The following MRTFA variants were observed in gnomAD, a reference collection of about 807,000 sequenced individuals.
MRTFA encodes the protein myocardin-related transcription factor A.
In MRTFA, 20 loss-of-function variants were observed where a neutral mutation model predicts 83.5. The ratio of observed to expected loss-of-function variants is 0.24; its 90% CI spans 0.17 to 0.35. The LOEUF is 0.35. Among genes scored for constraint, MRTFA ranks in the 10% least tolerant of loss-of-function variants. MRTFA has a pLI of 1.00. For synonymous variants in MRTFA, 659 were observed against 541.2 expected (o/e 1.22, Z -3.02); for missense variants, 1,200 against 1,224.7 (o/e 0.98, Z 0.30).
intron 1 of MRTFA, among the ~76,000 whole-genome samples, chr22:40,619,385 C>T (rs928548011): frequency 6.6e-5 from 10 of 152,042 alleles, no homozygotes; most frequent in African/African-American, 1.9e-4. Flanking sequence ...ATGAGGAACA[C>T]GTTATTGGAA....
chr22:40,453,028 G>T (rs1364077942), intron 4 of MRTFA, among the ~76,000 whole-genome samples: 1 of 152,152 alleles, frequency 6.6e-6, no homozygotes, highest in Non-Finnish European at 1.5e-5. Context: ...AACAGCAGAA[G>T]CGAGACAAGG....
chr22:40,429,846 CCTT>C lies in MRTFA; in HGVS notation c.440-82_440-80del. The stretch of plus-strand genomic sequence containing the variant: ...GCCCCGGGAACTCCAGAGCAGCTCT[CCTT>C]CCTCCTGGGCAAGAGGAGTGACTGT... On this transcript the variant is annotated intron_variant, in intron 6 of 14. Transcript: ENST00000355630. 3 of 1,432,398 alleles carry C rather than the reference CCTT, an allele frequency of 2.1e-6. No individual in the cohort carries two copies. The South Asian group carries it at 4.0e-5, about 19-fold the overall frequency. The allele number at this position is 1,432,398 out of a possible 1,614,324, so 88.7% of individuals were successfully genotyped here. A position where few individuals can be genotyped will look rare whatever the true frequency, so the allele number is the denominator to read the frequency against.
At position 40,594,518 on chromosome 22, in the gene MRTFA, G is replaced by T. The variant is rs539745422; in HGVS notation, c.-22+156C>A. Among the ~76,000 whole-genome samples the T allele has an allele frequency of 2.6e-5, 4 of 152,058 alleles. No individual in the cohort carries two copies. The East Asian group carries it at 7.7e-4, about 29-fold the overall frequency. On this transcript the variant is annotated intron_variant, in intron 2 of 14. Transcript: ENST00000355630. ...TGTAGTCCACAACATTAAACCACAG[G>T]ACAGACCATCAGGAGGCACGATGAG...
intron 3 of MRTFA, among the ~76,000 whole-genome samples, chr22:40,528,275 G>T (rs1485221167): frequency 1.3e-5 from 2 of 152,168 alleles, no homozygotes; most frequent in Non-Finnish European, 2.9e-5. Context: ...ACAGAATCCT[G>T]CAATGGAAAA....
intron 3 of MRTFA, among the ~76,000 whole-genome samples, chr22:40,506,879 T>G (rs2054589061): frequency 6.6e-6 from 1 of 152,160 alleles, no homozygotes; most frequent in Non-Finnish European, 1.5e-5. Flanking sequence ...ACACAAAAAG[T>G]GCTCTATAAA....
At chr22:40,515,841 A>T (rs1337016145) in intron 3 of MRTFA, among the ~76,000 whole-genome samples, 1 of 152,222 alleles carries the variant, frequency 6.6e-6, no homozygotes, top group Non-Finnish European at 1.5e-5. Flanking sequence ...ATCCCTGTGC[A>T]GATGGCGACC....
intron 3 of MRTFA, among the ~76,000 whole-genome samples, chr22:40,482,602 G>T (rs137860858): frequency 6.6e-6 from 1 of 152,070 alleles, no homozygotes; most frequent in Non-Finnish European, 1.5e-5. Flanking sequence ...TTTTAGGTAG[G>T]GCCATCTGAA....
At chr22:40,441,617 C>A (rs953534080) in intron 4 of MRTFA, among the ~76,000 whole-genome samples, 5 of 151,926 alleles carry the variant, frequency 3.3e-5, no homozygotes, top group Admixed American at 6.6e-5. Context: ...AAACCACCCC[C>A]CACTACTAAA....
chr22:40,603,446 T>G (rs887521970), intron 1 of MRTFA, among the ~76,000 whole-genome samples: 1 of 152,214 alleles, frequency 6.6e-6, no homozygotes, highest in East Asian at 1.9e-4. Flanking sequence ...GAAACATACT[T>G]AACTACCATA....
At chr22:40,553,409 T>C (rs2055472969) in intron 2 of MRTFA, among the ~76,000 whole-genome samples, 1 of 152,140 alleles carries the variant, frequency 6.6e-6, no homozygotes, top group African/African-American at 2.4e-5. Context: ...GCCTTCCTGC[T>C]CTGTGCAGCC....
intron 9 of MRTFA, among the ~76,000 whole-genome samples, 194 bp downstream of exon 9, chr22:40,423,342 C>A (rs552703771): frequency 6.6e-6 from 1 of 152,096 alleles, no homozygotes; most frequent in Non-Finnish European, 1.5e-5. Flanking sequence ...CCCATAGCCA[C>A]GAATAATTGG....
intron 2 of MRTFA, among the ~76,000 whole-genome samples, chr22:40,576,867 G>A (rs1244670390): frequency 6.6e-6 from 1 of 152,162 alleles, no homozygotes; most frequent in African/African-American, 2.4e-5. Context: ...GATGGCCTGA[G>A]CCCAGGACTT....
intron 1 of MRTFA, among the ~76,000 whole-genome samples, chr22:40,613,703 A>AT (rs1556025713): frequency 6.6e-6 from 1 of 151,712 alleles, no homozygotes; most frequent in Non-Finnish European, 1.5e-5. Context: ...AAAAAAAAAA[A>AT]TTTTTCCAGC....
chr22:40,419,894 AG>A (rs2052791054), intron 11 of MRTFA, among the ~76,000 whole-genome samples: 1 of 152,190 alleles, frequency 6.6e-6, no homozygotes, highest in African/African-American at 2.4e-5. Context: ...CCCTGATCAC[AG>A]GCCGCTCTCT....
At chr22:40,463,587 T>G (rs1295613636) in intron 3 of MRTFA, among the ~76,000 whole-genome samples, 1 of 152,066 alleles carries the variant, frequency 6.6e-6, no homozygotes, top group Non-Finnish European at 1.5e-5. Flanking sequence ...CTCCTAAAAC[T>G]TTTTTAAAAA....
rs187319520 is a variant in MRTFA, at chr22:40,439,497, T to C, written c.308-3943A>G. Among the ~76,000 whole-genome samples the C allele has an allele frequency of 4.8e-3, 550 of 113,410 alleles. 6 individuals carry two copies. The highest frequency in any genetic ancestry group is 0.018 in the African/African-American group (528 of 28,842). The allele number at this position is 113,410 out of a possible 152,430, so 74.4% of individuals were successfully genotyped here. A position where few individuals can be genotyped will look rare whatever the true frequency, so the allele number is the denominator to read the frequency against. On this transcript the variant is annotated intron_variant, in intron 4 of 14. Coordinates refer to ENST00000355630, the MANE Select transcript of MRTFA (RefSeq NM_020831.6). Reference sequence around the variant, plus strand: ...TCCAACCTGGGTGACAGAGCAAGACTCTGTCTCAAAAAAAAAAAAAAAAAA... The same window carrying C: ...TCCAACCTGGGTGACAGAGCAAGACCCTGTCTCAAAAAAAAAAAAAAAAAA...
intron 3 of MRTFA, among the ~76,000 whole-genome samples, chr22:40,464,511 A>AAAAAAAAAGAAAG (rs2053780935): frequency 6.6e-6 from 1 of 151,540 alleles, no homozygotes; most frequent in Non-Finnish European, 1.5e-5. Flanking sequence ...CCCGTCTAAA[A>AAAAAAAAAGAAAG]AAAAAAAAGA....
intron 4 of MRTFA, among the ~76,000 whole-genome samples, chr22:40,462,167 G>A (rs904810707): frequency 1.3e-5 from 2 of 152,134 alleles, no homozygotes; most frequent in African/African-American, 4.8e-5. Context: ...TTACTTGATA[G>A]TACTTACCAG....
intron 4 of MRTFA, among the ~76,000 whole-genome samples, chr22:40,445,706 G>A (rs965309064): frequency 6.6e-6 from 1 of 152,026 alleles, no homozygotes; most frequent in Non-Finnish European, 1.5e-5. Flanking sequence ...CCACCACCAT[G>A]CCCGGCTAAT....
Sources: gnomAD v4.1 joint callset for allele counts (sites outside exome capture counted in the v4.1 genomes callset) on GRCh38, gnomAD v4.1.1 for gene constraint, MANE v1.5 for transcripts, NCBI Gene and HGNC (gene_info 2026-07-23, HGNC 2026-07-21) for gene names.